LARGE1: variants seen among roughly 807,000 people sequenced by gnomAD.
LARGE1 encodes LARGE xylosyl- and glucuronyltransferase 1.
In LARGE1, 43 loss-of-function variants were observed where a neutral mutation model predicts 87.6. That is an observed-to-expected ratio of 0.49 (90% CI 0.38 to 0.63). The LOEUF is 0.63. LARGE1 is among the 30% of genes least tolerant of loss of function. The pLI is 0.00. For synonymous variants in LARGE1, 434 were observed against 394.6 expected, an observed-to-expected ratio of 1.10 and a Z score of -1.18; for missense variants, 802 against 1,000.2, an observed-to-expected ratio of 0.80 and a Z score of 2.67.
At chr22:33,599,846 G>A (rs537811392) in intron 5 of LARGE1, among the ~76,000 whole-genome samples, 6 of 152,272 alleles carry the variant, frequency 3.9e-5, no homozygotes, top group East Asian at 3.9e-4. Flanking sequence ...GGAACACGGC[G>A]CAAGTCCATT....
chr22:33,515,949 C>A (rs2071283416), intron 6 of LARGE1, among the ~76,000 whole-genome samples: 1 of 152,192 alleles, frequency 6.6e-6, no homozygotes, highest in African/African-American at 2.4e-5. Context: ...TGGCACCTTG[C>A]CAGCTTCACA....
chr22:33,297,138 C>G (rs887060447), intron 12 of LARGE1, among the ~76,000 whole-genome samples: 1 of 152,196 alleles, frequency 6.6e-6, no homozygotes, highest in African/African-American at 2.4e-5. Context: ...CTCTACCTGG[C>G]TTTGTTCACA....
the LARGE1 span, among the ~76,000 whole-genome samples, chr22:33,090,715 C>T: frequency 1.3e-5 from 2 of 150,554 alleles, no homozygotes; most frequent in Non-Finnish European, 2.9e-5. Context: ...GGTTAGAGTT[C>T]CTATTGCATA....
chr22:33,194,043 A>C (rs1923939094), intron 11 of LARGE1, among the ~76,000 whole-genome samples: 1 of 150,700 alleles, frequency 6.6e-6, no homozygotes, highest in Non-Finnish European at 1.5e-5. Flanking sequence ...TATTTAACAA[A>C]ATATGATAAA....
At chr22:33,559,190 C>CT (rs1235617970) in intron 6 of LARGE1, among the ~76,000 whole-genome samples, 1 of 152,016 alleles carries the variant, frequency 6.6e-6, no homozygotes, top group African/African-American at 2.4e-5. Context: ...GATGGTACAC[C>CT]TTTTTTTTGA....
intron 9 of LARGE1, among the ~76,000 whole-genome samples, chr22:33,343,200 C>A (rs1939355883): frequency 6.6e-6 from 1 of 152,130 alleles, no homozygotes; most frequent in South Asian, 2.1e-4. Flanking sequence ...GCAATCTGGG[C>A]TCACTGCAGC....
chr22:33,713,785 C>T (rs1047684299), intron 2 of LARGE1, among the ~76,000 whole-genome samples: 3 of 151,566 alleles, frequency 2.0e-5, no homozygotes, highest in Non-Finnish European at 4.4e-5. Flanking sequence ...GGCGAGACAC[C>T]GTGCCTACAA....
At chr22:33,224,255 G>T (rs1174038509) in intron 11 of LARGE1, among the ~76,000 whole-genome samples, 1 of 151,714 alleles carries the variant, frequency 6.6e-6, no homozygotes, top group Non-Finnish European at 1.5e-5. Context: ...GACAGAGCAA[G>T]ACTCTGTCTC....
intron 1 of LARGE1, among the ~76,000 whole-genome samples, chr22:33,869,834 TG>T (rs1456391786): frequency 6.6e-6 from 1 of 152,172 alleles, no homozygotes. Context: ...TTCAGAGAAC[TG>T]CCCAAAGCCA....
At chr22:33,739,830 G>C (rs767855024) in intron 2 of LARGE1, among the ~76,000 whole-genome samples, 1 of 152,174 alleles carries the variant, frequency 6.6e-6, no homozygotes, top group Admixed American at 6.5e-5. Context: ...GAATCACTGA[G>C]AGCCAAAGAT....
chr22:33,728,778 T>C (rs1403337929), intron 2 of LARGE1, among the ~76,000 whole-genome samples: 1 of 152,042 alleles, frequency 6.6e-6, no homozygotes, highest in Non-Finnish European at 1.5e-5. Context: ...ACCCATGAGG[T>C]AGACACTCAA....
In LARGE1 at chr22:33,547,753, C is replaced by G. The variant is rs192072508; in HGVS notation, c.787+17095G>C. Among the ~76,000 whole-genome samples, 328 of 125,510 alleles carry G rather than the reference C, an allele frequency of 2.6e-3. 1 individual carries two copies. The highest frequency in any genetic ancestry group is 9.6e-3 in the African/African-American group (315 of 32,766). The allele number at this position is 125,510 out of a possible 152,430, so 82.3% of individuals were successfully genotyped here. A position where few individuals can be genotyped will look rare whatever the true frequency, so the allele number is the denominator to read the frequency against. On this transcript the variant is annotated intron_variant, in intron 6 of 14. Coordinates refer to ENST00000397394, the MANE Select transcript of LARGE1 (RefSeq NM_133642.5). ...AGGTTGCAGTCAGCTGAAACTGTGC[C>G]ACTGCACTCCAGCCTGGACGACAGA...
chr22:33,337,731 T>A lies in LARGE1; in HGVS notation c.1202A>T (p.Tyr401Phe), dbSNP rs759576401. The change falls in exon 10 of 15, where the codon TAC becomes TTC. Residue 401 changes from tyrosine to phenylalanine, a missense_variant. By Grantham distance (22) the Tyr-to-Phe change is conservative. Around this residue, in one of 2 missense-constraint regions of LARGE1, gnomAD observed 625 missense variants for 841.9 expected, o/e 0.74. Coordinates refer to ENST00000397394, the MANE Select transcript of LARGE1 (RefSeq NM_133642.5). ...NKHVEFFRNL[Y>F]LTFLEYDGNL... ...GCCGTCATACTCCAGGAAGGTCAGG[T>A]AGAGGTTGCGAAAAAACTCCACATG... 7.4e-6 allele frequency: 12 copies of A among 1,613,824 alleles called. No individual in the cohort carries two copies. Among genetic ancestry groups the A allele is most frequent in the Non-Finnish European group, 1.0e-5 (12 of 1,180,000 alleles).
At chr22:33,501,345 G>A (rs922200775) in intron 6 of LARGE1, among the ~76,000 whole-genome samples, 15 of 152,230 alleles carry the variant, frequency 9.9e-5, no homozygotes, top group African/African-American at 3.4e-4. Flanking sequence ...CTGACTTGGG[G>A]AGAGGATGGG....
At chr22:33,510,731 G>A (rs185255208) in intron 6 of LARGE1, among the ~76,000 whole-genome samples, 158 of 152,228 alleles carry the variant, frequency 1.0e-3, no homozygotes, top group African/African-American at 2.5e-3. Flanking sequence ...GCATGCCACC[G>A]TGCCTGGCTA....
At position 33,277,187 on chromosome 22, in the gene LARGE1, T is replaced by G; in HGVS notation, c.1946A>C (p.Tyr649Ser). 10 of 1,614,142 alleles carry G rather than the reference T, an allele frequency of 6.2e-6. No homozygotes were observed. The highest frequency in any genetic ancestry group is 7.6e-6 in the Non-Finnish European group (9 of 1,180,012). Reference sequence around the variant, plus strand: ...AAAATCGGCCTCCCACTCAACCCGGTAAGGCGTGGTGGCGGTCCGCCACTT... The same window carrying G: ...AAAATCGGCCTCCCACTCAACCCGGGAAGGCGTGGTGGCGGTCCGCCACTT... ...FAKWRTATTPYRVEWEADFEP... is the reference protein window; with the variant it reads ...FAKWRTATTPSRVEWEADFEP... The change falls in exon 14 of 15, where the codon TAC becomes TCC. Residue 649 changes from tyrosine to serine, a missense_variant. Physicochemically the swap from Tyr to Ser is moderately radical, Grantham distance 144. Around this residue, in one of 2 missense-constraint regions of LARGE1, gnomAD observed 625 missense variants for 841.9 expected, o/e 0.74. Transcript: ENST00000397394.
At position 33,872,694 on chromosome 22, in the gene LARGE1, T is replaced by C. The variant is rs530684029; in HGVS notation, c.-83+47301A>G. On this transcript the variant is annotated intron_variant, in intron 1 of 14. Transcript: ENST00000397394. ...AGGAAGAGCCAGAAACTGAGTGAAT[T>C]TGGAGCACGGAAAAGAGCCATGGCC... Among the ~76,000 whole-genome samples the C allele has an allele frequency of 1.1e-4, 16 of 152,228 alleles. No individual in the cohort carries two copies. The South Asian group carries it at 3.3e-3, about 32-fold the overall frequency.
intron 1 of LARGE1, among the ~76,000 whole-genome samples, chr22:33,912,099 G>A (rs910123331): frequency 6.6e-6 from 1 of 152,124 alleles, no homozygotes; most frequent in African/African-American, 2.4e-5. Flanking sequence ...TGCCTCCCTT[G>A]GCTTCTGAAA....
intron 6 of LARGE1, among the ~76,000 whole-genome samples, chr22:33,516,559 G>T (rs936369245): frequency 6.6e-6 from 1 of 151,988 alleles, no homozygotes; most frequent in African/African-American, 2.4e-5. Flanking sequence ...CAAGATGATG[G>T]GGTGGAAGCC....
Sources: gnomAD v4.1 joint callset for allele counts (sites outside exome capture counted in the v4.1 genomes callset) on GRCh38, gnomAD v4.1.1 for gene constraint, gnomAD v4.1.1 regional missense constraint, MANE v1.5 for transcripts, NCBI Gene and HGNC (gene_info 2026-07-23, HGNC 2026-07-21) for gene names.